Variants in BMAL2 observed in about 807,000 individuals in gnomAD.
The protein encoded by BMAL2 is basic helix-loop-helix ARNT like 2.
At chr12:27,346,564 A>G in the BMAL2 span, among the ~76,000 whole-genome samples, 2 of 151,938 alleles carry the variant, frequency 1.3e-5, no homozygotes, top group Admixed American at 6.6e-5. Flanking sequence ...TGCCCGGCCT[A>G]AACCTTTGTT....
chr12:27,404,202 AAT>A, the BMAL2 span, among the ~76,000 whole-genome samples: 3 of 142,008 alleles, frequency 2.1e-5, no homozygotes, highest in African/African-American at 7.9e-5. Flanking sequence ...AAAAAAAAAA[AAT>A]ACCACCATGC....
chr12:27,394,635 A>G, the BMAL2 span: 2 of 152,206 alleles, frequency 1.3e-5, no homozygotes, highest in Non-Finnish European at 2.9e-5. Context: ...TAAGGAAGCA[A>G]TTTCAACATT....
the BMAL2 span, among the ~76,000 whole-genome samples, chr12:27,334,077 A>G: frequency 1.3e-5 from 2 of 152,232 alleles, no homozygotes; most frequent in African/African-American, 4.8e-5. Flanking sequence ...AAATAAGGCA[A>G]TGAGAGGAGG....
chr12:27,413,395 A>T, the BMAL2 span, among the ~76,000 whole-genome samples: 92,280 of 152,040 alleles, frequency 0.61, 28,760 homozygotes, highest in Middle Eastern at 0.75. Flanking sequence ...GTGGAGAGAA[A>T]TAAAGTGTAG....
chr12:27,349,455 T>C, the BMAL2 span, among the ~76,000 whole-genome samples: 2 of 151,754 alleles, frequency 1.3e-5, no homozygotes, highest in Non-Finnish European at 2.9e-5. Flanking sequence ...TGAGGAGTTC[T>C]GTGTGGAAAT....
chr12:27,393,528 G>T, the BMAL2 span, among the ~76,000 whole-genome samples: 1 of 152,130 alleles, frequency 6.6e-6, no homozygotes, highest in African/African-American at 2.4e-5. Context: ...GGTAAGTAGG[G>T]ATGCCCTGGA....
the BMAL2 span, among the ~76,000 whole-genome samples, chr12:27,350,309 C>T: frequency 4.4e-3 from 672 of 152,314 alleles, 1 homozygote; most frequent in Non-Finnish European, 7.9e-3. Flanking sequence ...ATAGTTATCC[C>T]TCGCCCACAA....
chr12:27,396,061 T>A, the BMAL2 span, among the ~76,000 whole-genome samples: 1 of 152,218 alleles, frequency 6.6e-6, no homozygotes, highest in African/African-American at 2.4e-5. Flanking sequence ...TATTCGTAGT[T>A]AGAGCCTTTA....
At chr12:27,387,158 G>C in the BMAL2 span, 1 of 956,440 alleles carries the variant, frequency 1.0e-6, no homozygotes, top group Non-Finnish European at 1.7e-6. Flanking sequence ...ATCTGAATGT[G>C]TGTGTGTGTG....
the BMAL2 span, among the ~76,000 whole-genome samples, chr12:27,367,814 ATGTGTG>A: frequency 1.4e-5 from 1 of 70,696 alleles, no homozygotes; most frequent in African/African-American, 3.9e-5. Context: ...TATAGATATA[ATGTGTG>A]TGTGTGTGTG....
chr12:27,339,732 C>G, the BMAL2 span, among the ~76,000 whole-genome samples: 2 of 151,888 alleles, frequency 1.3e-5, no homozygotes, highest in Non-Finnish European at 2.9e-5. Flanking sequence ...TCATGCCATT[C>G]TCCTGCCTCA....
At chr12:27,346,745 A>T in the BMAL2 span, among the ~76,000 whole-genome samples, 3 of 152,312 alleles carry the variant, frequency 2.0e-5, no homozygotes, top group East Asian at 1.9e-4. Flanking sequence ...ATTCAAAACC[A>T]TAGGTGTGTA....
the BMAL2 span, chr12:27,333,242 G>C: frequency 1.3e-5 from 11 of 873,376 alleles, no homozygotes; most frequent in African/African-American, 3.6e-5. Context: ...CCGGAGCATC[G>C]CCTCCGAGGG....
At chr12:27,417,032 ATTT>A in the BMAL2 span, among the ~76,000 whole-genome samples, 2 of 152,008 alleles carry the variant, frequency 1.3e-5, no homozygotes, top group African/African-American at 2.4e-5. Flanking sequence ...TTATTTATTC[ATTT>A]TTTTCATACA....
the BMAL2 span, among the ~76,000 whole-genome samples, chr12:27,352,545 A>G: frequency 7.2e-6 from 1 of 139,746 alleles, no homozygotes; most frequent in African/African-American, 2.7e-5. Flanking sequence ...TATTCAACAT[A>G]AACCACTCCT....
At chr12:27,362,891 A>G in the BMAL2 span, among the ~76,000 whole-genome samples, 1 of 151,674 alleles carries the variant, frequency 6.6e-6, no homozygotes, top group African/African-American at 2.4e-5. Context: ...GTAACCCTCA[A>G]CTCCTGGACT....
At chr12:27,357,726 CA>C in the BMAL2 span, among the ~76,000 whole-genome samples, 1 of 152,078 alleles carries the variant, frequency 6.6e-6, no homozygotes, top group African/African-American at 2.4e-5. Flanking sequence ...TATTTACAGC[CA>C]ACTGATCTTC....
the BMAL2 span, chr12:27,380,374 A>C: frequency 6.2e-7 from 1 of 1,614,182 alleles, no homozygotes; most frequent in Non-Finnish European, 8.5e-7. Context: ...AGTTTTAAGA[A>C]TGGCTGTTCA....
chr12:27,405,609 A>G, the BMAL2 span, among the ~76,000 whole-genome samples: 2 of 152,206 alleles, frequency 1.3e-5, no homozygotes, highest in Non-Finnish European at 2.9e-5. Context: ...CGTCACCATC[A>G]TCAAAGACCA....
Sources: gnomAD v4.1 joint callset for allele counts (sites outside exome capture counted in the v4.1 genomes callset) on GRCh38, gnomAD v4.1.1 for gene constraint, MANE v1.5 for transcripts, NCBI Gene and HGNC (gene_info 2026-07-23, HGNC 2026-07-21) for gene names.